Variants in SEPTIN11 observed in about 807,000 individuals in gnomAD.
SEPTIN11 encodes the protein septin-11.
In SEPTIN11, 25 loss-of-function variants were observed where a neutral mutation model predicts 51.4. The ratio of observed to expected loss-of-function variants is 0.49; its 90% CI spans 0.35 to 0.68. The LOEUF is 0.68. Ranked by LOEUF, SEPTIN11 falls within the 30% of genes least tolerant of loss-of-function variation. The pLI is 0.00. For missense variants in SEPTIN11, 381 were observed against 520.8 expected (o/e 0.73, Z 2.61); for synonymous variants, 174 against 184.1 (o/e 0.95, Z 0.44).
chr4:76,975,825 AAGG>A (rs1722474399), intron 1 of SEPTIN11, among the ~76,000 whole-genome samples: 2 of 152,246 alleles, frequency 1.3e-5, no homozygotes, highest in South Asian at 4.1e-4. Context: ...AGTCTTCTCT[AAGG>A]AGGAGTTCTG....
At chr4:76,994,655 A>G (rs1352314985) in intron 1 of SEPTIN11, among the ~76,000 whole-genome samples, 1 of 152,224 alleles carries the variant, frequency 6.6e-6, no homozygotes, top group Non-Finnish European at 1.5e-5. Context: ...CTTATTTCAC[A>G]GAATCAGAAT....
At chr4:77,007,449 C>G (rs544712631) in intron 3 of SEPTIN11, among the ~76,000 whole-genome samples, 1 of 152,336 alleles carries the variant, frequency 6.6e-6, no homozygotes, top group Admixed American at 6.5e-5. Flanking sequence ...GCTCTTCCAG[C>G]TCACTGGGGT....
intron 8 of SEPTIN11, among the ~76,000 whole-genome samples, chr4:77,030,385 G>A (rs1463746224): frequency 6.6e-6 from 1 of 152,084 alleles, no homozygotes; most frequent in Non-Finnish European, 1.5e-5. Flanking sequence ...GCAGCCACAT[G>A]ACACATATTT....
At chr4:76,985,913 T>C (rs1388602062) in intron 1 of SEPTIN11, among the ~76,000 whole-genome samples, 1 of 152,148 alleles carries the variant, frequency 6.6e-6, no homozygotes, top group African/African-American at 2.4e-5. Flanking sequence ...AAGTTAGTCA[T>C]TGGATTTCAG....
intron 1 of SEPTIN11, 73 bp downstream of exon 1, chr4:76,950,003 A>C (rs1721250577): frequency 7.6e-7 from 1 of 1,320,150 alleles, no homozygotes; most frequent in Non-Finnish European, 9.7e-7. Context: ...TGCGGTGAGG[A>C]CCACAGGGGA....
chr4:76,983,963 C>T (rs950012684), intron 1 of SEPTIN11, among the ~76,000 whole-genome samples: 22 of 151,938 alleles, frequency 1.4e-4, no homozygotes, highest in African/African-American at 3.6e-4. Context: ...GCCGAGATCG[C>T]GCTATTGCAC....
intron 1 of SEPTIN11, among the ~76,000 whole-genome samples, chr4:76,957,422 G>A (rs895904862): frequency 2.0e-5 from 3 of 151,986 alleles, no homozygotes; most frequent in Middle Eastern, 3.2e-3. Flanking sequence ...CTAGAGTATC[G>A]GTTTTACCAT....
chr4:77,019,544 C>A (rs1449467190), intron 6 of SEPTIN11, among the ~76,000 whole-genome samples: 1 of 152,110 alleles, frequency 6.6e-6, no homozygotes, highest in Non-Finnish European at 1.5e-5. Context: ...AAAAATAGTT[C>A]TTCCCTAGGA....
intron 1 of SEPTIN11, chr4:76,959,127 A>G (rs1161716387): frequency 3.3e-6 from 2 of 597,348 alleles, no homozygotes; most frequent in African/African-American, 3.7e-5. Context: ...GCGGTGTCCA[A>G]GGCTTCCTGA....
In SEPTIN11 at chr4:76,999,792, A is replaced by G. The variant is rs932983343; in HGVS notation, c.142+3253A>G. Among the ~76,000 whole-genome samples the G allele has an allele frequency of 5.3e-5, 8 of 152,326 alleles. No individual in the cohort carries two copies. In the East Asian group the frequency reaches 1.5e-3, roughly 29 times the overall value. On this transcript the variant is annotated intron_variant, in intron 2 of 9. Coordinates refer to ENST00000264893, the MANE Select transcript of SEPTIN11 (RefSeq NM_018243.4). ...ATAGAGGAAGAATAGTTTTCATTTC[A>G]CTGGGAAGAGAATTCTGATGTTAAA...
intron 1 of SEPTIN11, among the ~76,000 whole-genome samples, chr4:76,988,485 G>T (rs1723163608): frequency 6.6e-6 from 1 of 152,208 alleles, no homozygotes; most frequent in Non-Finnish European, 1.5e-5. Flanking sequence ...CTTATACAGA[G>T]AAGTCATTTC....
At chr4:77,029,344 G>A (rs1344628654) in intron 8 of SEPTIN11, among the ~76,000 whole-genome samples, 1 of 152,180 alleles carries the variant, frequency 6.6e-6, no homozygotes, top group Non-Finnish European at 1.5e-5. Context: ...GAGTGTGTGT[G>A]TGTGTGTGTG....
At position 77,038,420 on chromosome 4, in the gene SEPTIN11, A is replaced by G; in HGVS notation, c.*3908A>G. On this transcript the variant is annotated 3_prime_UTR_variant, in exon 10 of 10. Transcript: ENST00000264893. ...CATATATGTAAGCTGCATGTTAGAC[A>G]TTTGTCTTTTTTAAACTAAAGTAAT... 2.0e-6 allele frequency: 2 copies of G among 985,726 alleles called. No individual in the cohort carries two copies. The highest frequency in any genetic ancestry group is 1.1e-4 in the East Asian group (1 of 8,810). The allele number at this position is 985,726 out of a possible 1,614,324, so 61.1% of individuals were successfully genotyped here.
At chr4:77,014,711 T>TA in intron 4 of SEPTIN11, 145 bp from the exon 5 acceptor site, 1 of 722,334 alleles carries the variant, frequency 1.4e-6, no homozygotes, top group Non-Finnish European at 2.2e-6. Context: ...ATTTATGGGG[T>TA]ACATGAGATG....
chr4:76,960,073 T>C (rs1374661241), intron 1 of SEPTIN11, among the ~76,000 whole-genome samples: 1 of 152,208 alleles, frequency 6.6e-6, no homozygotes, highest in Admixed American at 6.5e-5. Flanking sequence ...ATCACTGCAC[T>C]TCGTGTAAGC....
At chr4:77,008,029 G>A (rs1008955962) in intron 3 of SEPTIN11, among the ~76,000 whole-genome samples, 1 of 152,190 alleles carries the variant, frequency 6.6e-6, no homozygotes, top group Non-Finnish European at 1.5e-5. Flanking sequence ...TGTTTATGTA[G>A]GCTTTGGACA....
Position 77,035,580 on chromosome 4 carries a change from A to C in SEPTIN11, c.*1068A>C. ...AGGACCACAACATGACCCGTAAGTC[A>C]AGAAGGTAGACATTTCATATCCAGC... On this transcript the variant is annotated 3_prime_UTR_variant, in exon 10 of 10. Coordinates refer to ENST00000264893, the MANE Select transcript of SEPTIN11 (RefSeq NM_018243.4). The C allele has an allele frequency of 1.0e-6, 1 of 985,442 alleles. No individual in the cohort carries two copies. The highest frequency in any genetic ancestry group is 1.2e-6 in the Non-Finnish European group (1 of 829,934). The allele number at this position is 985,442 out of a possible 1,614,324, so 61.0% of individuals were successfully genotyped here.
intron 1 of SEPTIN11, among the ~76,000 whole-genome samples, chr4:76,967,917 A>G (rs1283113986): frequency 6.6e-6 from 1 of 152,178 alleles, no homozygotes; most frequent in Admixed American, 6.5e-5. Flanking sequence ...TTGTTTCTGT[A>G]ACAGGATTTC....
Position 77,001,173 on chromosome 4 carries a change from G to A in SEPTIN11, c.143-4428G>A, listed in dbSNP as rs370491155. 1.9e-4 allele frequency among the ~76,000 whole-genome samples: 29 copies of A among 152,188 alleles called. 1 individual carries two copies. The East Asian group carries it at 3.1e-3, about 16-fold the overall frequency. ...GCATCATGTTTACTAGCATTGGCAG[G>A]AATAGGAAAAACAGAAGTCCCAGAT... is the stretch of plus-strand genomic sequence containing the variant. On this transcript the variant is annotated intron_variant, in intron 2 of 9. Coordinates refer to ENST00000264893, the MANE Select transcript of SEPTIN11 (RefSeq NM_018243.4).
Sources: gnomAD v4.1 joint callset for allele counts (sites outside exome capture counted in the v4.1 genomes callset) on GRCh38, gnomAD v4.1.1 for gene constraint, MANE v1.5 for transcripts, NCBI Gene and HGNC (gene_info 2026-07-23, HGNC 2026-07-21) for gene names.